ADAMTS6: variants seen among roughly 807,000 people sequenced by gnomAD.
ADAMTS6 encodes A disintegrin and metalloproteinase with thrombospondin motifs 6.
A neutral mutation model predicts 144.3 loss-of-function variants in ADAMTS6; 23 were observed. The ratio of observed to expected loss-of-function variants is 0.16; its 90% CI spans 0.11 to 0.23. The LOEUF is 0.23. Among genes scored for constraint, ADAMTS6 ranks in the 10% least tolerant of loss-of-function variants. ADAMTS6 has a pLI of 1.00. For missense variants in ADAMTS6, 999 were observed against 1,379.6 expected (o/e 0.72, Z 4.37); for synonymous variants, 444 against 457.5 (o/e 0.97, Z 0.38).
At chr5:65,162,594 C>T (rs1182815030) in intron 24 of ADAMTS6, among the ~76,000 whole-genome samples, 2 of 149,250 alleles carry the variant, frequency 1.3e-5, no homozygotes, top group Non-Finnish European at 3.0e-5. Context: ...CTCTTAGAAG[C>T]TTGTTGTCAG....
chr5:65,405,136 G>A (rs1207549620), intron 7 of ADAMTS6, among the ~76,000 whole-genome samples: 1 of 152,180 alleles, frequency 6.6e-6, no homozygotes, highest in Non-Finnish European at 1.5e-5. Context: ...CTGTGCAGAA[G>A]CTCTTTAGTT....
intron 7 of ADAMTS6, among the ~76,000 whole-genome samples, chr5:65,370,586 A>G (rs1750781769): frequency 6.6e-6 from 1 of 152,202 alleles, no homozygotes; most frequent in African/African-American, 2.4e-5. Flanking sequence ...AAAATGGCGC[A>G]CCACGAGATT....
chr5:65,406,715 G>A lies in ADAMTS6; in HGVS notation c.1073+44760C>T, dbSNP rs113694702. On this transcript the variant is annotated intron_variant, in intron 7 of 24. Coordinates refer to ENST00000381055, the MANE Select transcript of ADAMTS6 (RefSeq NM_197941.4). Reference sequence around the variant, plus strand: ...CCTGTTGATTGGAATAGTGTCAGAAGGAATGGTACCAGCTCCTCCTTGTAC... The same window carrying A: ...CCTGTTGATTGGAATAGTGTCAGAAAGAATGGTACCAGCTCCTCCTTGTAC... Among the ~76,000 whole-genome samples the A allele has an allele frequency of 7.7e-3, 1,173 of 152,166 alleles. 14 individuals are homozygous for A. The highest frequency in any genetic ancestry group is 0.024 in the African/African-American group (986 of 41,510).
At chr5:65,155,047 T>C (rs545001716) in intron 24 of ADAMTS6, among the ~76,000 whole-genome samples, 2 of 152,300 alleles carry the variant, frequency 1.3e-5, no homozygotes, top group African/African-American at 4.8e-5. Flanking sequence ...GGTTTTGCCT[T>C]CTAGGAACTG....
At chr5:65,338,148 A>AAAAATAGCACCTTATCCCT (rs757730763) in intron 7 of ADAMTS6, among the ~76,000 whole-genome samples, 2 of 152,248 alleles carry the variant, frequency 1.3e-5, no homozygotes, top group Non-Finnish European at 2.9e-5. Flanking sequence ...ATTTGGATAG[A>AAAAATAGCACCTTATCCCT]AAAATAGCAC....
At chr5:65,211,687 G>A (rs926446782) in intron 20 of ADAMTS6, among the ~76,000 whole-genome samples, 2 of 152,126 alleles carry the variant, frequency 1.3e-5, no homozygotes, top group African/African-American at 2.4e-5. Context: ...ACCTACCTAT[G>A]CTAATTAAAA....
chr5:65,162,175 A>G (rs1752816735), intron 24 of ADAMTS6, among the ~76,000 whole-genome samples: 1 of 152,250 alleles, frequency 6.6e-6, no homozygotes, highest in Non-Finnish European at 1.5e-5. Flanking sequence ...GAAACTTATT[A>G]TACATAAACT....
chr5:65,308,122 G>A (rs1445241812), intron 9 of ADAMTS6, among the ~76,000 whole-genome samples: 4 of 152,190 alleles, frequency 2.6e-5, no homozygotes, highest in South Asian at 2.1e-4. Flanking sequence ...CTAGACCCCT[G>A]TTGGTTATAC....
chr5:65,337,219 G>T (rs539595850), intron 7 of ADAMTS6, among the ~76,000 whole-genome samples: 1 of 151,972 alleles, frequency 6.6e-6, no homozygotes, highest in East Asian at 1.9e-4. Context: ...TCCATACTTT[G>T]TGTATACTCA....
At chr5:65,247,826 T>A (rs1759764098) in intron 14 of ADAMTS6, among the ~76,000 whole-genome samples, 1 of 152,170 alleles carries the variant, frequency 6.6e-6, no homozygotes, top group Non-Finnish European at 1.5e-5. Flanking sequence ...TTCCTTTTGC[T>A]TTCATACCAA....
chr5:65,447,911 C>T lies in ADAMTS6; in HGVS notation c.1073+3564G>A, dbSNP rs2150243191. Among the ~76,000 whole-genome samples, 2 of 150,494 alleles carry T rather than the reference C, an allele frequency of 1.3e-5. 1 individual carries two copies. The highest frequency in any genetic ancestry group is 4.2e-4 in the South Asian group (2 of 4,788). The stretch of plus-strand genomic sequence containing the variant: ...ACAAATTTATACATTATAGCACTAA[C>T]TTTGGTATTCAGAGCTAAGATGTCA... On this transcript the variant is annotated intron_variant, in intron 7 of 24. Coordinates refer to ENST00000381055, the MANE Select transcript of ADAMTS6 (RefSeq NM_197941.4).
intron 7 of ADAMTS6, among the ~76,000 whole-genome samples, chr5:65,396,429 AACAG>A (rs1753345104): frequency 6.6e-6 from 1 of 152,206 alleles, no homozygotes; most frequent in Non-Finnish European, 1.5e-5. Flanking sequence ...CTCTGATTGA[AACAG>A]ACAGATATTT....
At chr5:65,182,580 C>T (rs1754432906) in intron 22 of ADAMTS6, among the ~76,000 whole-genome samples, 1 of 151,782 alleles carries the variant, frequency 6.6e-6, no homozygotes, top group Admixed American at 6.6e-5. Flanking sequence ...AGTACTGTTA[C>T]ATATCCATTT....
At chr5:65,320,222 C>T (rs1280657853) in intron 9 of ADAMTS6, among the ~76,000 whole-genome samples, 1 of 151,982 alleles carries the variant, frequency 6.6e-6, no homozygotes, top group East Asian at 1.9e-4. Flanking sequence ...GGGGAGAAAA[C>T]AAATTGTACC....
intron 5 of ADAMTS6, among the ~76,000 whole-genome samples, chr5:65,452,431 G>C (rs1758827549): frequency 6.8e-6 from 1 of 146,634 alleles, no homozygotes; most frequent in Non-Finnish European, 1.5e-5. Flanking sequence ...ACTACAGCAT[G>C]GAAATTAGAG....
intron 12 of ADAMTS6, among the ~76,000 whole-genome samples, chr5:65,263,493 C>T (rs1369667477): frequency 6.6e-6 from 1 of 150,558 alleles, no homozygotes; most frequent in Non-Finnish European, 1.5e-5. Flanking sequence ...ATGAGCACTG[C>T]AGACATAATA....
Position 65,334,573 on chromosome 5 carries a change from T to C in ADAMTS6, c.1074-488A>G, listed in dbSNP as rs185415663. ...GGTTCTTGTTAAAGAAAAAAAGATA[T>C]TGTAATACAACAATGGGAATAAAAT... is the stretch of plus-strand genomic sequence containing the variant. On this transcript the variant is annotated intron_variant, in intron 7 of 24. Transcript: ENST00000381055. 2.6e-5 allele frequency among the ~76,000 whole-genome samples: 4 copies of C among 152,324 alleles called. No individual in the cohort carries two copies. In the South Asian group the frequency reaches 6.2e-4, roughly 24 times the overall value.
At chr5:65,364,331 G>A (rs534688635) in intron 7 of ADAMTS6, among the ~76,000 whole-genome samples, 1 of 152,186 alleles carries the variant, frequency 6.6e-6, no homozygotes, top group East Asian at 1.9e-4. Context: ...GAGTTAGCCA[G>A]AATAAAAGAG....
At chr5:65,457,367 T>C (rs1759291215) in intron 4 of ADAMTS6, among the ~76,000 whole-genome samples, 1 of 152,146 alleles carries the variant, frequency 6.6e-6, no homozygotes, top group Non-Finnish European at 1.5e-5. Flanking sequence ...TTAAAAACAT[T>C]GAAATGGAAC....
Sources: allele counts gnomAD v4.1 joint callset (sites outside exome capture counted in the v4.1 genomes callset), GRCh38; gene constraint gnomAD v4.1.1; transcripts MANE v1.5; gene names NCBI Gene and HGNC (gene_info 2026-07-23, HGNC 2026-07-21).